MLLT10: variants seen among roughly 807,000 people sequenced by gnomAD.
The protein encoded by MLLT10 is MLLT10 histone lysine methyltransferase DOT1L cofactor.
In MLLT10, 30 loss-of-function variants were observed where a neutral mutation model predicts 129.1. The observed-to-expected ratio is 0.23, with a 90% CI of 0.17 to 0.32. The LOEUF is 0.32. MLLT10 is among the 10% of genes least tolerant of loss of function. The pLI is 1.00. For synonymous variants in MLLT10, 490 were observed against 446.4 expected (o/e 1.10, Z -1.23); for missense variants, 1,119 against 1,268.3 (o/e 0.88, Z 1.79).
chr10:21,638,697 T>C (rs977295721), intron 8 of MLLT10, among the ~76,000 whole-genome samples: 8 of 152,128 alleles, frequency 5.3e-5, no homozygotes, highest in Non-Finnish European at 8.8e-5. Flanking sequence ...TCAAATTCCA[T>C]AGCATACTTG....
Position 21,742,142 on chromosome 10 carries a change from T to G in MLLT10, c.*159T>G. ...AAGGACATTCTTGTAAGGCTTTGAT[T>G]AGTTTTCTTGTTGCTTTGTTGCACT... On this transcript the variant is annotated 3_prime_UTR_variant, in exon 23 of 23. Coordinates refer to ENST00000307729, the MANE Select transcript of MLLT10 (RefSeq NM_001195626.3). 1 of 639,938 alleles carries G rather than the reference T, an allele frequency of 1.6e-6. No individual in the cohort carries two copies. The highest frequency in any genetic ancestry group is 2.6e-5 in the South Asian group (1 of 38,892). 39.6% of individuals were successfully genotyped at this position (639,938 alleles called of 1,614,324 possible).
chr10:21,570,302 GC>G (rs2040067764), intron 3 of MLLT10, among the ~76,000 whole-genome samples: 1 of 149,048 alleles, frequency 6.7e-6, no homozygotes, highest in Non-Finnish European at 1.5e-5. Flanking sequence ...CGAACTCCTG[GC>G]CTGAAGTGAT....
chr10:21,667,518 CTGTTT>C (rs1390654897), intron 9 of MLLT10, among the ~76,000 whole-genome samples: 1 of 149,558 alleles, frequency 6.7e-6, no homozygotes, highest in African/African-American at 2.5e-5. Context: ...CTACAGCTCA[CTGTTT>C]TTTTTTTAAT....
chr10:21,574,896 T>G (rs1396728854), intron 3 of MLLT10, among the ~76,000 whole-genome samples: 1 of 152,142 alleles, frequency 6.6e-6, no homozygotes, highest in African/African-American at 2.4e-5. Context: ...TCAGCAAGGT[T>G]TTTATGTCTT....
At chr10:21,595,576 G>A (rs766098536) in intron 5 of MLLT10, 136 bp downstream of exon 5, 3 of 609,136 alleles carry the variant, frequency 4.9e-6, no homozygotes, top group South Asian at 2.6e-5. Flanking sequence ...CCAAACTGCA[G>A]TTATTAAAAT....
At chr10:21,660,615 C>CAAA (rs55685640) in intron 9 of MLLT10, among the ~76,000 whole-genome samples, 6 of 41,808 alleles carry the variant, frequency 1.4e-4, no homozygotes, top group Admixed American at 8.7e-4. Context: ...GACTCCATCT[C>CAAA]AAAAAAAAAA....
intron 9 of MLLT10, among the ~76,000 whole-genome samples, chr10:21,662,166 G>A (rs1160722728): frequency 3.3e-5 from 5 of 151,992 alleles, no homozygotes; most frequent in East Asian, 1.9e-4. Flanking sequence ...TAATCTTTGA[G>A]CATGGAGGTG....
chr10:21,680,749 A>C (rs2052652431), intron 11 of MLLT10, among the ~76,000 whole-genome samples: 1 of 152,068 alleles, frequency 6.6e-6, no homozygotes, highest in Non-Finnish European at 1.5e-5. Context: ...AGGCAGGCAG[A>C]TCACTTGAGG....
intron 14 of MLLT10, among the ~76,000 whole-genome samples, chr10:21,720,603 C>T (rs755914215): frequency 2.6e-5 from 4 of 152,190 alleles, no homozygotes; most frequent in Non-Finnish European, 5.9e-5. Context: ...CAAGTCCTTA[C>T]ATTCTATGTG....
chr10:21,708,328 T>G (rs960436622), intron 13 of MLLT10, among the ~76,000 whole-genome samples: 2 of 152,220 alleles, frequency 1.3e-5, no homozygotes, highest in Non-Finnish European at 2.9e-5. Context: ...TTAGCTCTGT[T>G]TAATTCAATG....
At chr10:21,732,224 G>T (rs535175575) in intron 17 of MLLT10, among the ~76,000 whole-genome samples, 30 of 152,214 alleles carry the variant, frequency 2.0e-4, no homozygotes, top group Non-Finnish European at 3.5e-4. Context: ...GCAACACTCT[G>T]TGTTGTTAGC....
chr10:21,715,129 T>C (rs994999350), intron 14 of MLLT10, among the ~76,000 whole-genome samples: 1 of 152,262 alleles, frequency 6.6e-6, no homozygotes, highest in Non-Finnish European at 1.5e-5. Flanking sequence ...TTGAGCTTTA[T>C]GGATGCGTGC....
intron 13 of MLLT10, among the ~76,000 whole-genome samples, chr10:21,704,381 AT>A: frequency 7.9e-6 from 1 of 126,982 alleles, no homozygotes; most frequent in Admixed American, 7.9e-5. Context: ...ATATATATAT[AT>A]AATTATTACT....
intron 13 of MLLT10, chr10:21,688,572 A>T: frequency 1.3e-6 from 2 of 1,569,954 alleles, no homozygotes; most frequent in Non-Finnish European, 1.7e-6. Flanking sequence ...TTCTAAACAT[A>T]ATAGTGTTAA....
intron 3 of MLLT10, among the ~76,000 whole-genome samples, chr10:21,541,606 G>C (rs1220533578): frequency 1.3e-5 from 2 of 152,184 alleles, no homozygotes; most frequent in East Asian, 3.9e-4. Context: ...GGCTGGTCTC[G>C]ATCTCCTGAC....
At chr10:21,581,410 T>G (rs1386812844) in intron 3 of MLLT10, among the ~76,000 whole-genome samples, 1 of 152,182 alleles carries the variant, frequency 6.6e-6, no homozygotes, top group Non-Finnish European at 1.5e-5. Flanking sequence ...TTTTAAAAAA[T>G]GCACTTGTAT....
At chr10:21,645,793 G>A (rs2048414036) in intron 8 of MLLT10, among the ~76,000 whole-genome samples, 1 of 152,172 alleles carries the variant, frequency 6.6e-6, no homozygotes, top group Non-Finnish European at 1.5e-5. Flanking sequence ...CTTAAGATAT[G>A]AACTTACAAG....
At chr10:21,543,120 T>G (rs1208718435) in intron 3 of MLLT10, among the ~76,000 whole-genome samples, 4 of 150,984 alleles carry the variant, frequency 2.6e-5, no homozygotes, top group Non-Finnish European at 1.5e-5. Context: ...CCCGGCTAGT[T>G]TTTTGTTTTT....
rs1336865731 is a variant in MLLT10, at chr10:21,665,312, G to GC, written c.796-5137_796-5136insC. On this transcript the variant is annotated intron_variant, in intron 9 of 22. Coordinates refer to ENST00000307729, the MANE Select transcript of MLLT10 (RefSeq NM_001195626.3). The stretch of plus-strand genomic sequence containing the variant: ...TTGTTTGTTTTTTTTGGGGGGGGGG[G>GC]GGTTTCACTCTTGTTGCCCAGGCTG... 7.3e-3 allele frequency among the ~76,000 whole-genome samples: 955 copies of GC among 130,582 alleles called. 22 individuals are homozygous for GC. The highest frequency in any genetic ancestry group is 0.026 in the African/African-American group (905 of 34,212). 85.7% of individuals were successfully genotyped at this position (130,582 alleles called of 152,430 possible).
Sources: allele counts gnomAD v4.1 joint callset (sites outside exome capture counted in the v4.1 genomes callset), GRCh38; gene constraint gnomAD v4.1.1; transcripts MANE v1.5; gene names NCBI Gene and HGNC (gene_info 2026-07-23, HGNC 2026-07-21).